Variants in ACSS2 observed in about 807,000 individuals in gnomAD.
ACSS2 encodes acyl-CoA synthetase short chain family member 2.
Under a neutral mutation model 90.6 loss-of-function variants are expected in ACSS2, and 58 were observed. That is an observed-to-expected ratio of 0.64 (90% CI 0.52 to 0.80). The LOEUF (loss-of-function observed/expected upper bound fraction) is 0.80. ACSS2 is among the 30% of genes least tolerant of loss of function. The pLI is 0.00. For missense variants in ACSS2, 759 were observed against 912.0 expected (o/e 0.83, Z 2.16); for synonymous variants, 300 against 330.9 (o/e 0.91, Z 1.01).
chr20:34,915,339 T>A (rs1292105969), intron 7 of ACSS2: 10 of 1,556,170 alleles, frequency 6.4e-6, no homozygotes, highest in Non-Finnish European at 6.2e-6. Flanking sequence ...GTTTGCCCCA[T>A]TGAGGTGGCT....
chr20:34,921,851 A>G lies in ACSS2; in HGVS notation c.1533A>G (p.Glu511=). The G allele has an allele frequency of 1.2e-6, 2 of 1,613,984 alleles. No homozygotes were observed. The highest frequency in any genetic ancestry group is 2.2e-5 in the East Asian group (1 of 44,890). ...LNESGEELEG[E]AEGYLVFKQP... ...AGTCCGGGGAAGAGTTGGAAGGTGA[A>G]GCTGAAGGTTATCTGGTGAGGCCCT... Residue 511 remains glutamate (E), a synonymous_variant, in exon 13 of 18, where the codon GAA becomes GAG. Coordinates refer to ENST00000360596, the MANE Select transcript of ACSS2 (RefSeq NM_018677.4).
intron 7 of ACSS2, among the ~76,000 whole-genome samples, chr20:34,917,541 T>A (rs1374610018): frequency 2.6e-5 from 4 of 152,242 alleles, no homozygotes; most frequent in African/African-American, 9.6e-5. Context: ...CAGAAGTTTT[T>A]TTAACCAAAT....
chr20:34,902,310 A>G (rs927161877), intron 2 of ACSS2, among the ~76,000 whole-genome samples: 1 of 152,180 alleles, frequency 6.6e-6, no homozygotes, highest in Non-Finnish European at 1.5e-5. Flanking sequence ...TATTAATTCT[A>G]TTAATAATAT....
chr20:34,926,191 C>T lies in ACSS2; in HGVS notation c.1813C>T (p.Pro605Ser). Residue 605 changes from proline to serine, a missense_variant, in exon 16 of 18, where the codon CCT becomes TCT. Coordinates refer to ENST00000360596, the MANE Select transcript of ACSS2 (RefSeq NM_018677.4). ...AEAAVVGHPH[P>S]VKGECLYCFV... ...GGCAGCTGTGGTGGGCCACCCTCAT[C>T]CTGTGAAGGGTGAATGCCTCTACTG... 1 of 1,614,218 alleles carries T rather than the reference C, an allele frequency of 6.2e-7. No individual in the cohort carries two copies. The highest frequency in any genetic ancestry group is 8.5e-7 in the Non-Finnish European group (1 of 1,180,038).
In ACSS2 at chr20:34,919,468, C is replaced by T. The variant is rs762575072; in HGVS notation, c.868C>T (p.His290Tyr). Residue 290 changes from histidine (H) to tyrosine (Y), a missense_variant, in exon 8 of 18, where the codon CAT (histidine) becomes TAT (tyrosine). Transcript: ENST00000360596. ...GAACCAAGGGATTGACTTGTGGTGGCATGAGCTCATGCAAGAGGCAGGGGA... is the reference window on the plus strand; with the variant it reads ...GAACCAAGGGATTGACTTGTGGTGGTATGAGCTCATGCAAGAGGCAGGGGA... ...SWNQGIDLWW[H>Y]ELMQEAGDEC... is the part of the protein sequence containing the mutation. 9.9e-6 allele frequency: 16 copies of T among 1,613,510 alleles called. No individual in the cohort carries two copies. Among genetic ancestry groups the T allele is most frequent in the Non-Finnish European group, 1.2e-5 (14 of 1,180,018 alleles).
intron 13 of ACSS2, 36 bp downstream of exon 13, chr20:34,921,902 A>C: frequency 6.3e-7 from 1 of 1,589,652 alleles, no homozygotes; most frequent in Non-Finnish European, 8.5e-7. Flanking sequence ...TTAAGGAGAG[A>C]GGGAAAGGGT....
At chr20:34,899,029 C>T (rs536805451) in intron 2 of ACSS2, among the ~76,000 whole-genome samples, 16 of 152,344 alleles carry the variant, frequency 1.1e-4, no homozygotes, top group African/African-American at 2.9e-4. Flanking sequence ...GTACACCCTC[C>T]GCAGCTGCTG....
At chr20:34,882,221 G>T (rs543259920) in intron 1 of ACSS2, among the ~76,000 whole-genome samples, 4 of 152,240 alleles carry the variant, frequency 2.6e-5, no homozygotes, top group African/African-American at 9.6e-5. Flanking sequence ...GCTAGTACTA[G>T]GTGGCTCTGA....
In ACSS2 at chr20:34,919,576, A is replaced by AGTGT. The variant is rs59343003; in HGVS notation, c.972+45_972+48dup. Reference sequence around the variant, plus strand: ...TGGCTCCACAGGCAAACCCAAGGCAAGTGTGTGTGTGTGTGTGTGTGTGTG... The same window carrying AGTGT: ...TGGCTCCACAGGCAAACCCAAGGCAAGTGTGTGTGTGTGTGTGTGTGTGTGTGTG... On this transcript the variant is annotated splice_donor_region_variant and intron_variant, in intron 8 of 17. Transcript: ENST00000360596. 13,351 of 1,471,646 alleles carry AGTGT rather than the reference A, an allele frequency of 9.1e-3. 33 individuals carry two copies. Among genetic ancestry groups the AGTGT allele is most frequent in the African/African-American group, 0.027 (1,824 of 68,586 alleles). The allele number at this position is 1,471,646 out of a possible 1,614,324, so 91.2% of individuals were successfully genotyped here. A position where few individuals can be genotyped will look rare whatever the true frequency, so the allele number is the denominator to read the frequency against.
intron 7 of ACSS2, 83 bp from the exon 8 acceptor site, chr20:34,919,352 C>T: frequency 2.5e-6 from 4 of 1,575,490 alleles, no homozygotes; most frequent in South Asian, 1.2e-5. Context: ...CCTGTCCCAC[C>T]TCATTCCCTC....
At chr20:34,880,181 CT>C (rs368525738) in intron 1 of ACSS2, among the ~76,000 whole-genome samples, 5,380 of 152,200 alleles carry the variant, frequency 0.035, 326 homozygotes, top group African/African-American at 0.12. Context: ...TTACTAATCA[CT>C]TTTTTTCTTT....
At chr20:34,926,380 A>G in intron 16 of ACSS2, 99 bp downstream of exon 16, 1 of 1,363,366 alleles carries the variant, frequency 7.3e-7, no homozygotes, top group Admixed American at 2.5e-5. Flanking sequence ...TGCTCCCCAA[A>G]CCACAAACAG....
rs1425114208 is a variant in ACSS2, at chr20:34,876,841, C to A, written c.178+18C>A. On this transcript the variant is annotated intron_variant, in intron 1 of 17. Transcript: ENST00000360596. ...GCCGCGGGGTGAGGCCCGGCCCGGGCGGGCCTGGGGTGTCAGTGAGGAGAA... is the reference window on the plus strand; with the variant it reads ...GCCGCGGGGTGAGGCCCGGCCCGGGAGGGCCTGGGGTGTCAGTGAGGAGAA... The A allele has an allele frequency of 3.9e-6, 5 of 1,281,330 alleles. No individual in the cohort carries two copies. The highest frequency in any genetic ancestry group is 3.1e-5 in the East Asian group (1 of 31,786). 79.4% of individuals were successfully genotyped at this position (1,281,330 alleles called of 1,614,324 possible).
chr20:34,920,607 C>T lies in ACSS2; in HGVS notation c.1041C>T (p.Phe347=). 1.2e-6 allele frequency: 2 copies of T among 1,614,214 alleles called. No homozygotes were observed. Among genetic ancestry groups the T allele is most frequent in the Non-Finnish European group, 1.7e-6 (2 of 1,180,028 alleles). ...CAACCTTCAAGTATGTGTTTGACTT[C>T]CATGCAGAGGATGTGTTCTGGTGCA... is the stretch of plus-strand genomic sequence containing the variant. ...VATTFKYVFD[F]HAEDVFWCTA... Residue 347 remains phenylalanine (F), a synonymous_variant, in exon 9 of 18, where the codon TTC becomes TTT. Coordinates refer to ENST00000360596, the MANE Select transcript of ACSS2 (RefSeq NM_018677.4).
At chr20:34,919,358 C>T (rs903077357) in intron 7 of ACSS2, 77 bp from the exon 8 acceptor site, 1 of 1,580,374 alleles carries the variant, frequency 6.3e-7, no homozygotes, top group African/African-American at 1.3e-5. Context: ...CCACCTCATT[C>T]CCTCCAGGGG....
intron 7 of ACSS2, among the ~76,000 whole-genome samples, chr20:34,918,353 C>G (rs1175757619): frequency 3.9e-5 from 6 of 152,158 alleles, no homozygotes; most frequent in African/African-American, 1.4e-4. Flanking sequence ...TGGACAAATT[C>G]AAGGGATCTA....
At chr20:34,924,763 G>A (rs1017233855) in intron 14 of ACSS2, among the ~76,000 whole-genome samples, 6 of 151,706 alleles carry the variant, frequency 4.0e-5, no homozygotes, top group Admixed American at 6.6e-5. Context: ...GCGGTGGCAC[G>A]ACCTCAGCTC....
chr20:34,905,010 C>T (rs76597092), intron 2 of ACSS2, among the ~76,000 whole-genome samples: 5,319 of 149,880 alleles, frequency 0.035, 319 homozygotes, highest in African/African-American at 0.12. Flanking sequence ...CTTGACCTCC[C>T]GGGCTTATGT....
intron 1 of ACSS2, among the ~76,000 whole-genome samples, chr20:34,880,746 T>C (rs944676662): frequency 5.9e-5 from 9 of 152,174 alleles, no homozygotes; most frequent in Admixed American, 5.9e-4. Flanking sequence ...TAATGGCACC[T>C]TGGGGTTGAT....
Sources: allele counts gnomAD v4.1 joint callset (sites outside exome capture counted in the v4.1 genomes callset), GRCh38; gene constraint gnomAD v4.1.1; transcripts MANE v1.5; gene names NCBI Gene and HGNC (gene_info 2026-07-23, HGNC 2026-07-21).